GLG1: variants seen among roughly 807,000 people sequenced by gnomAD.
GLG1 encodes Golgi apparatus protein 1.
In GLG1, 38 loss-of-function variants were observed where a neutral mutation model predicts 160.5. The observed-to-expected ratio is 0.24, with a 90% CI of 0.18 to 0.31. GLG1 has a LOEUF of 0.31. Ranked by LOEUF, GLG1 falls within the 10% of genes least tolerant of loss-of-function variation. The probability of loss-of-function intolerance (pLI) is 1.00; values close to 1 mark genes in which losing one functional copy is unlikely to be tolerated. For synonymous variants in GLG1, 644 were observed against 543.4 expected (o/e 1.19, Z -2.57); for missense variants, 1,373 against 1,505.2 (o/e 0.91, Z 1.45).
At position 74,570,029 on chromosome 16, in the gene GLG1, G is replaced by T. The variant is rs9930901; in HGVS notation, c.438+36628C>A. On this transcript the variant is annotated intron_variant, in intron 1 of 25. Transcript: ENST00000422840. ...AAACCCCGTCTCAAAAAAAAGAAAAGGAAAGAAAAAAAAAAAACAATAGTT... is the reference window on the plus strand; with the variant it reads ...AAACCCCGTCTCAAAAAAAAGAAAATGAAAGAAAAAAAAAAAACAATAGTT... Among the ~76,000 whole-genome samples the T allele has an allele frequency of 7.2e-3, 1,075 of 148,654 alleles. 13 individuals are homozygous for T. The highest frequency in any genetic ancestry group is 0.025 in the African/African-American group (1,015 of 40,554).
At chr16:74,461,871 G>A in intron 22 of GLG1, 1 of 457,406 alleles carries the variant, frequency 2.2e-6, no homozygotes, top group Non-Finnish European at 3.9e-6. Flanking sequence ...GAACACCCTT[G>A]TTCAACAGAG....
At chr16:74,601,570 T>C (rs935252814) in intron 1 of GLG1, among the ~76,000 whole-genome samples, 1 of 152,182 alleles carries the variant, frequency 6.6e-6, no homozygotes, top group Non-Finnish European at 1.5e-5. Context: ...TCAATATAAA[T>C]ATCAAGGAAA....
intron 3 of GLG1, among the ~76,000 whole-genome samples, chr16:74,506,891 T>A (rs2016632631): frequency 6.6e-6 from 1 of 152,148 alleles, no homozygotes; most frequent in South Asian, 2.1e-4. Flanking sequence ...GAGTAAACTC[T>A]GAAGTGGCTG....
At chr16:74,554,798 C>T (rs2018308053) in intron 1 of GLG1, among the ~76,000 whole-genome samples, 1 of 152,152 alleles carries the variant, frequency 6.6e-6, no homozygotes, top group African/African-American at 2.4e-5. Flanking sequence ...AACTAGTTCT[C>T]TGTTCAACAG....
At chr16:74,497,498 C>T (rs1175691131) in intron 4 of GLG1, among the ~76,000 whole-genome samples, 3 of 135,786 alleles carry the variant, frequency 2.2e-5, no homozygotes, top group Non-Finnish European at 3.1e-5. Flanking sequence ...ACTGCAGTGG[C>T]GCTATCTCGG....
At chr16:74,557,710 G>A (rs2018391670) in intron 1 of GLG1, among the ~76,000 whole-genome samples, 1 of 151,956 alleles carries the variant, frequency 6.6e-6, no homozygotes, top group Admixed American at 6.6e-5. Flanking sequence ...GCAGCTATCT[G>A]GAAGCAGCCA....
chr16:74,537,850 T>G (rs1000571787), intron 1 of GLG1, among the ~76,000 whole-genome samples: 30 of 151,050 alleles, frequency 2.0e-4, no homozygotes, highest in Non-Finnish European at 4.1e-4. Context: ...ACTGAAAAGC[T>G]TGAGTCTGAA....
At chr16:74,455,896 A>T (rs746883106) in intron 25 of GLG1, among the ~76,000 whole-genome samples, 4 of 152,232 alleles carry the variant, frequency 2.6e-5, no homozygotes, top group Non-Finnish European at 5.9e-5. Context: ...CCAAAGCGTT[A>T]TGTAAACTAC....
At chr16:74,566,952 T>C (rs777745927) in intron 1 of GLG1, among the ~76,000 whole-genome samples, 1 of 152,132 alleles carries the variant, frequency 6.6e-6, no homozygotes, top group Non-Finnish European at 1.5e-5. Flanking sequence ...GAAAAGTATA[T>C]ATAGTCACGC....
intron 1 of GLG1, among the ~76,000 whole-genome samples, chr16:74,547,559 T>G (rs1173183496): frequency 6.6e-6 from 1 of 152,274 alleles, no homozygotes; most frequent in Non-Finnish European, 1.5e-5. Context: ...TTGTTCATTC[T>G]AATTCCTGTT....
intron 4 of GLG1, among the ~76,000 whole-genome samples, chr16:74,498,101 G>T (rs1597270096): frequency 6.6e-6 from 1 of 151,652 alleles, no homozygotes; most frequent in Non-Finnish European, 1.5e-5. Context: ...ACAATTTAAG[G>T]TATAACCACT....
chr16:74,521,036 C>T (rs962003527), intron 2 of GLG1, among the ~76,000 whole-genome samples: 5 of 152,118 alleles, frequency 3.3e-5, no homozygotes, highest in Non-Finnish European at 5.9e-5. Flanking sequence ...GAATGGGGTA[C>T]TATTTTCCAT....
At chr16:74,532,584 C>T (rs991936681) in intron 1 of GLG1, among the ~76,000 whole-genome samples, 2 of 152,036 alleles carry the variant, frequency 1.3e-5, no homozygotes, top group Non-Finnish European at 2.9e-5. Context: ...CATGCAGTGG[C>T]GCAATCATGG....
At chr16:74,461,831 A>C in intron 22 of GLG1, 1 of 315,656 alleles carries the variant, frequency 3.2e-6, no homozygotes, top group Non-Finnish European at 5.8e-6. Context: ...GAAGAAGGGA[A>C]GAACAAATTT....
chr16:74,548,118 G>A (rs1211677278), intron 1 of GLG1, among the ~76,000 whole-genome samples: 1 of 152,172 alleles, frequency 6.6e-6, no homozygotes, highest in Non-Finnish European at 1.5e-5. Flanking sequence ...AAAGTCAATA[G>A]TCAATATCTA....
At chr16:74,501,444 T>C (rs2143445247) in intron 4 of GLG1, among the ~76,000 whole-genome samples, 1 of 152,340 alleles carries the variant, frequency 6.6e-6, no homozygotes, top group East Asian at 1.9e-4. Flanking sequence ...TATTATTTTA[T>C]CTAAGTGAAT....
chr16:74,453,236 T>C lies in GLG1; in HGVS notation c.3471A>G (p.Ile1157Met), dbSNP rs762610257. 4 of 1,613,616 alleles carry C rather than the reference T, an allele frequency of 2.5e-6. No individual in the cohort carries two copies. The highest frequency in any genetic ancestry group is 2.2e-5 in the South Asian group (2 of 91,084). ...CACACATCAGGCCAATCAGGAACAA[T>C]ATACAGATGCTCCCACTGATCACAG... ...ILSVISGSIC[I>M]LFLIGLMCGR... Residue 1157 changes from isoleucine (I) to methionine (M), a missense_variant, in exon 26 of 26, where the codon ATA (isoleucine) becomes ATG (methionine). Coordinates refer to ENST00000422840, the MANE Select transcript of GLG1 (RefSeq NM_001145667.2).
At chr16:74,562,518 G>C (rs1212035051) in intron 1 of GLG1, among the ~76,000 whole-genome samples, 2 of 152,134 alleles carry the variant, frequency 1.3e-5, no homozygotes, top group African/African-American at 2.4e-5. Context: ...GGAGAGCAGT[G>C]GTGTGATCTC....
Position 74,586,198 on chromosome 16 carries a change from G to A in GLG1, c.438+20459C>T, listed in dbSNP as rs1049533978. Among the ~76,000 whole-genome samples, 6 of 152,118 alleles carry A rather than the reference G, an allele frequency of 3.9e-5. No individual in the cohort carries two copies. The East Asian group carries it at 9.7e-4, about 24-fold the overall frequency. On this transcript the variant is annotated intron_variant, in intron 1 of 25. Coordinates refer to ENST00000422840, the MANE Select transcript of GLG1 (RefSeq NM_001145667.2). ...AAACAAAGGCAAGGCCCTAGGAAACGAATGGAACCACAAGATAAAAGGAAC... is the reference window on the plus strand; with the variant it reads ...AAACAAAGGCAAGGCCCTAGGAAACAAATGGAACCACAAGATAAAAGGAAC...
Sources: allele counts gnomAD v4.1 joint callset (sites outside exome capture counted in the v4.1 genomes callset), GRCh38; gene constraint gnomAD v4.1.1; transcripts MANE v1.5; gene names NCBI Gene and HGNC (gene_info 2026-07-23, HGNC 2026-07-21).